Variants in WRN observed in about 807,000 individuals in gnomAD.
WRN encodes WRN RecQ like helicase.
Under a neutral mutation model 180.7 loss-of-function variants are expected in WRN, and 149 were observed. The ratio of observed to expected loss-of-function variants is 0.82; its 90% confidence interval spans 0.72 to 0.94. The LOEUF is 0.94. Ranked by LOEUF, WRN falls within the 40% of genes least tolerant of loss-of-function variation. The pLI is 0.00. For missense variants in WRN, 1,661 were observed against 1,700.1 expected (o/e 0.98, Z 0.40); for synonymous variants, 548 against 568.9 (o/e 0.96, Z 0.52).
chr8:31,059,848 A>G (rs1812420805), intron 3 of WRN, among the ~76,000 whole-genome samples: 1 of 152,134 alleles, frequency 6.6e-6, no homozygotes, highest in African/African-American at 2.4e-5. Context: ...CAAGGTCAGG[A>G]GATTGAGACC....
chr8:31,172,846 C>A, intron 34 of WRN, 149 bp from the exon 35 acceptor site: 1 of 656,340 alleles, frequency 1.5e-6, no homozygotes. Context: ...CTTTTTGATC[C>A]AGAAATAAAT....
intron 33 of WRN, among the ~76,000 whole-genome samples, chr8:31,160,529 G>A (rs1803570724): frequency 6.6e-6 from 1 of 152,192 alleles, no homozygotes; most frequent in South Asian, 2.1e-4. Context: ...TGTTTCTCCA[G>A]TGCAGAATGA....
chr8:31,124,731 C>G (rs1462940359), intron 22 of WRN, 108 bp downstream of exon 22: 1 of 1,272,706 alleles, frequency 7.9e-7, no homozygotes, highest in African/African-American at 1.5e-5. Flanking sequence ...TATTTTGTTG[C>G]TGTTACATGT....
At position 31,107,300 on chromosome 8, in the gene WRN, A is replaced by G. The variant is rs1801134986; in HGVS notation, c.2089-4315A>G. On this transcript the variant is annotated intron_variant, in intron 18 of 34. Coordinates refer to ENST00000298139, the MANE Select transcript of WRN (RefSeq NM_000553.6). ...TAAGCTTTTGGAAACTAGGAAGATT[A>G]CTTTCTGTAATCCTTTCCTAGGCCT... Among the ~76,000 whole-genome samples, 4 of 152,214 alleles carry G rather than the reference A, an allele frequency of 2.6e-5. 1 individual carries two copies. The highest frequency in any genetic ancestry group is 2.6e-4 in the Admixed American group (4 of 15,284).
chr8:31,154,557 A>G (rs984718100), intron 31 of WRN, 67 bp from the exon 32 acceptor site: 3 of 1,515,882 alleles, frequency 2.0e-6, no homozygotes, highest in Non-Finnish European at 8.9e-7. Flanking sequence ...ATGGCTAATT[A>G]TCATACATAT....
chr8:31,130,913 G>A (rs913499858), intron 23 of WRN, among the ~76,000 whole-genome samples: 2 of 152,100 alleles, frequency 1.3e-5, no homozygotes, highest in South Asian at 2.1e-4. Flanking sequence ...AGAGCTGAAT[G>A]AGCAGGCCAC....
At chr8:31,068,237 A>C in intron 6 of WRN, 21 bp from the exon 7 acceptor site, 1 of 1,567,466 alleles carries the variant, frequency 6.4e-7, no homozygotes, top group Non-Finnish European at 8.7e-7. Context: ...ATACTTTTTA[A>C]ATTTTTCTGT....
At chr8:31,157,597 T>A (rs1490956292) in intron 33 of WRN, 67 bp downstream of exon 33, 4 of 1,586,116 alleles carry the variant, frequency 2.5e-6, no homozygotes, top group Non-Finnish European at 3.4e-6. Flanking sequence ...TCCACTATAT[T>A]TTTCACTGTT....
chr8:31,105,847 G>T (rs1015738067), intron 18 of WRN, among the ~76,000 whole-genome samples: 10 of 152,154 alleles, frequency 6.6e-5, no homozygotes, highest in Non-Finnish European at 1.3e-4. Context: ...GAGTGATTCA[G>T]TTGTTTTTGC....
chr8:31,106,228 TC>T (rs968041885), intron 18 of WRN, among the ~76,000 whole-genome samples: 7 of 152,150 alleles, frequency 4.6e-5, no homozygotes, highest in Non-Finnish European at 1.0e-4. Context: ...TCCCTGCCAT[TC>T]CCCAGGTACG....
intron 33 of WRN, among the ~76,000 whole-genome samples, chr8:31,162,292 A>G (rs1484736432): frequency 6.6e-6 from 1 of 152,020 alleles, no homozygotes; most frequent in Admixed American, 6.6e-5. Context: ...ATTTGTTTTT[A>G]CTTTTTACAT....
At chr8:31,169,223 A>T (rs1804012889) in intron 34 of WRN, among the ~76,000 whole-genome samples, 3 of 147,068 alleles carry the variant, frequency 2.0e-5, no homozygotes, top group Admixed American at 6.8e-5. Flanking sequence ...CTTCCTTTTC[A>T]CCTTCTATTT....
chr8:31,131,275 C>A (rs989048626), intron 23 of WRN, among the ~76,000 whole-genome samples: 6 of 151,184 alleles, frequency 4.0e-5, no homozygotes, highest in African/African-American at 1.2e-4. Context: ...CCTGCCTCAG[C>A]CTTCTGAGTA....
At chr8:31,086,808 T>A (rs1585435455) in intron 11 of WRN, among the ~76,000 whole-genome samples, 1 of 152,316 alleles carries the variant, frequency 6.6e-6, no homozygotes, top group East Asian at 1.9e-4. Context: ...AGAACATAAA[T>A]ACTGAATTGT....
At chr8:31,086,498 G>A (rs1020376966) in intron 11 of WRN, among the ~76,000 whole-genome samples, 3 of 151,892 alleles carry the variant, frequency 2.0e-5, no homozygotes, top group Non-Finnish European at 4.4e-5. Context: ...CACCTGGGGA[G>A]CCTGGGGAGG....
intron 24 of WRN, among the ~76,000 whole-genome samples, chr8:31,137,038 C>G (rs1196472688): frequency 2.0e-5 from 3 of 149,178 alleles, no homozygotes; most frequent in Non-Finnish European, 4.4e-5. Context: ...AAATTTCTTA[C>G]TGTACTCTGT....
Position 31,140,160 on chromosome 8 carries a change from G to A in WRN, c.2968-1270G>A, listed in dbSNP as rs1037184663. On this transcript the variant is annotated intron_variant, in intron 24 of 34. Transcript: ENST00000298139. Reference sequence around the variant, plus strand: ...CTCCTGCTTCAGCCTCCTGAGTAGCGGAACAACAGGTACACACCACCACAC... The same window carrying A: ...CTCCTGCTTCAGCCTCCTGAGTAGCAGAACAACAGGTACACACCACCACAC... Among the ~76,000 whole-genome samples the A allele has an allele frequency of 4.0e-5, 6 of 151,196 alleles. No homozygotes were observed. In the East Asian group the frequency reaches 5.8e-4, roughly 15 times the overall value.
At position 31,132,590 on chromosome 8, in the gene WRN, T is replaced by G. The variant is rs924497371; in HGVS notation, c.2967+84T>G. The G allele has an allele frequency of 4.4e-6, 7 of 1,592,806 alleles. No homozygotes were observed. In the East Asian group the frequency reaches 1.1e-4, roughly 25 times the overall value. On this transcript the variant is annotated intron_variant, in intron 24 of 34. Coordinates refer to ENST00000298139, the MANE Select transcript of WRN (RefSeq NM_000553.6). ...CTTCAGAGGTTTGCAGTATTATGAT[T>G]GTAGCTTTGACTTCAGATGGGTGAC...
At chr8:31,168,535 G>A (rs2553257) in intron 34 of WRN, among the ~76,000 whole-genome samples, 128,885 of 145,350 alleles carry the variant, frequency 0.89, 57,657 homozygotes, top group East Asian at 0.97. Context: ...GTTGGGTGGG[G>A]AGAAATTTTA....
Sources: allele counts gnomAD v4.1 joint callset (sites outside exome capture counted in the v4.1 genomes callset), GRCh38; gene constraint gnomAD v4.1.1; transcripts MANE v1.5; gene names NCBI Gene and HGNC (gene_info 2026-07-23, HGNC 2026-07-21).